The following TXNRD1 variants were observed in gnomAD, a reference collection of about 807,000 sequenced individuals.
TXNRD1 encodes thioredoxin reductase 1, cytoplasmic.
TXNRD1 carries 57 observed loss-of-function variants against 80.3 expected under a neutral mutation model. The ratio of observed to expected loss-of-function variants is 0.71; its 90% CI spans 0.57 to 0.89. The LOEUF is 0.89. TXNRD1 is among the 40% of genes least tolerant of loss of function. TXNRD1 has a pLI of 0.00. For synonymous variants in TXNRD1, 291 were observed against 285.2 expected (o/e 1.02, Z -0.20); for missense variants, 730 against 803.0 (o/e 0.91, Z 1.10).
intron 4 of TXNRD1, among the ~76,000 whole-genome samples, chr12:104,292,476 C>T (rs1237087416): frequency 3.3e-5 from 5 of 152,054 alleles, no homozygotes; most frequent in South Asian, 2.1e-4. Flanking sequence ...GCAACCTCCA[C>T]CTCCTGGGTT....
intron 2 of TXNRD1, among the ~76,000 whole-genome samples, chr12:104,252,188 A>T (rs1181388475): frequency 6.6e-6 from 1 of 152,014 alleles, no homozygotes; most frequent in East Asian, 1.9e-4. Context: ...GAAGTATGAG[A>T]CATATTCAGG....
chr12:104,258,201 A>T, intron 3 of TXNRD1, 122 bp downstream of exon 3: 1 of 727,188 alleles, frequency 1.4e-6, no homozygotes, highest in South Asian at 1.9e-5. Context: ...TTGCTAGCTG[A>T]TTCTTCTTTT....
intron 3 of TXNRD1, among the ~76,000 whole-genome samples, chr12:104,281,797 C>T (rs1159846430): frequency 1.3e-5 from 2 of 152,138 alleles, no homozygotes; most frequent in African/African-American, 4.8e-5. Context: ...TCCTTCTCTT[C>T]TCTTCACACT....
intron 1 of TXNRD1, among the ~76,000 whole-genome samples, chr12:104,220,478 C>T (rs1370191774): frequency 1.3e-5 from 2 of 152,084 alleles, no homozygotes; most frequent in African/African-American, 2.4e-5. Flanking sequence ...AATCCCAGCA[C>T]TTTGGGAGGC....
chr12:104,244,684 A>G (rs1275677452), intron 1 of TXNRD1, among the ~76,000 whole-genome samples: 1 of 152,228 alleles, frequency 6.6e-6, no homozygotes, highest in Non-Finnish European at 1.5e-5. Flanking sequence ...CAGCCACTAA[A>G]TAAGGTTAGA....
At chr12:104,255,451 G>T (rs1384972755) in intron 2 of TXNRD1, among the ~76,000 whole-genome samples, 2 of 152,058 alleles carry the variant, frequency 1.3e-5, no homozygotes, top group East Asian at 1.9e-4. Context: ...ACTAGCCTGG[G>T]AATGAAGAAC....
At chr12:104,304,351 G>C in intron 4 of TXNRD1, 1 of 1,614,052 alleles carries the variant, frequency 6.2e-7, no homozygotes, top group Non-Finnish European at 8.5e-7. Flanking sequence ...CTGACAAGTT[G>C]AGTGATTGTG....
intron 1 of TXNRD1, among the ~76,000 whole-genome samples, chr12:104,248,545 A>T (rs1265286269): frequency 6.6e-6 from 1 of 152,160 alleles, no homozygotes; most frequent in African/African-American, 2.4e-5. Flanking sequence ...TCGCCTCCCA[A>T]AGTGCAGGAA....
At chr12:104,261,458 C>T (rs539926944) in intron 3 of TXNRD1, among the ~76,000 whole-genome samples, 35 of 152,120 alleles carry the variant, frequency 2.3e-4, no homozygotes, top group Non-Finnish European at 4.1e-4. Context: ...CCACCATGCC[C>T]GTCCCCCTTG....
intron 13 of TXNRD1, among the ~76,000 whole-genome samples, chr12:104,329,918 C>G (rs1428540506): frequency 6.6e-6 from 1 of 152,168 alleles, no homozygotes; most frequent in Non-Finnish European, 1.5e-5. Flanking sequence ...AGTCACAGGA[C>G]TCATCTCATT....
intron 4 of TXNRD1, among the ~76,000 whole-genome samples, chr12:104,305,782 T>A (rs1431079240): frequency 2.6e-5 from 4 of 152,238 alleles, no homozygotes; most frequent in Non-Finnish European, 4.4e-5. Context: ...TCTACTGAAT[T>A]TCTTCTCTGG....
chr12:104,218,327 A>G (rs551252905), intron 1 of TXNRD1, among the ~76,000 whole-genome samples: 6 of 152,160 alleles, frequency 3.9e-5, no homozygotes, highest in African/African-American at 1.2e-4. Flanking sequence ...CCCGGCCTGA[A>G]CTATTTTATA....
intron 16 of TXNRD1, among the ~76,000 whole-genome samples, chr12:104,340,823 G>T (rs999266303): frequency 1.3e-5 from 2 of 152,128 alleles, no homozygotes; most frequent in Non-Finnish European, 2.9e-5. Context: ...TTAGGGTTAT[G>T]GGGACACAAT....
At chr12:104,327,003 T>C (rs1239531165) in intron 12 of TXNRD1, among the ~76,000 whole-genome samples, 2 of 151,878 alleles carry the variant, frequency 1.3e-5, no homozygotes, top group African/African-American at 2.4e-5. Context: ...CCTATAATCA[T>C]GCTGGCCAGG....
intron 4 of TXNRD1, among the ~76,000 whole-genome samples, chr12:104,292,738 A>G (rs2034271583): frequency 6.6e-6 from 1 of 152,110 alleles, no homozygotes; most frequent in African/African-American, 2.4e-5. Context: ...CCCTCCAATA[A>G]TTTTTAGGAT....
intron 13 of TXNRD1, among the ~76,000 whole-genome samples, chr12:104,330,341 A>G (rs1030981844): frequency 1.3e-5 from 2 of 152,204 alleles, no homozygotes; most frequent in African/African-American, 4.8e-5. Flanking sequence ...AATTCACAGC[A>G]TATTAAAAGT....
chr12:104,248,997 C>A (rs913186282), intron 1 of TXNRD1, among the ~76,000 whole-genome samples: 4 of 152,094 alleles, frequency 2.6e-5, no homozygotes, highest in Non-Finnish European at 5.9e-5. Flanking sequence ...AAATTACAAG[C>A]GAGAAATTAC....
At chr12:104,289,106 C>T (rs2034084043) in intron 4 of TXNRD1, 66 bp downstream of exon 4, 2 of 1,551,428 alleles carry the variant, frequency 1.3e-6, no homozygotes, top group African/African-American at 1.4e-5. Flanking sequence ...TGGTCACAGC[C>T]TGCCTTTTAA....
At chr12:104,245,773 AT>A (rs1429731731) in intron 1 of TXNRD1, among the ~76,000 whole-genome samples, 4 of 151,804 alleles carry the variant, frequency 2.6e-5, no homozygotes, top group African/African-American at 7.3e-5. Flanking sequence ...TTCAGTGTAC[AT>A]TTATCAGCAC....
Sources: gnomAD v4.1 joint callset for allele counts (sites outside exome capture counted in the v4.1 genomes callset) on GRCh38, gnomAD v4.1.1 for gene constraint, MANE v1.5 for transcripts, NCBI Gene and HGNC (gene_info 2026-07-23, HGNC 2026-07-21) for gene names.